ACACA: variants seen among roughly 807,000 people sequenced by gnomAD.
The protein encoded by ACACA is acetyl-CoA carboxylase 1.
Under a neutral mutation model 296.1 loss-of-function variants are expected in ACACA, and 103 were observed. The ratio of observed to expected loss-of-function variants is 0.35; its 90% confidence interval spans 0.30 to 0.41. The LOEUF (loss-of-function observed/expected upper bound fraction) is 0.41. Ranked by LOEUF, ACACA falls within the 10% of genes least tolerant of loss-of-function variation. The pLI is 1.00. For synonymous variants in ACACA, 953 were observed against 1,038.6 expected (o/e 0.92, Z 1.58); for missense variants, 1,554 against 2,989.7 (o/e 0.52, Z 11.20).
chr17:37,378,167 T>A (rs914274106), intron 1 of ACACA, among the ~76,000 whole-genome samples: 6 of 152,090 alleles, frequency 3.9e-5, no homozygotes, highest in African/African-American at 1.4e-4. Flanking sequence ...CTCAAATGGA[T>A]GGAGATGAAA....
At chr17:37,111,462 C>T in intron 52 of ACACA, 69 bp downstream of exon 52, 1 of 1,121,648 alleles carries the variant, frequency 8.9e-7, no homozygotes, top group Non-Finnish European at 1.4e-6. Context: ...CCTCCCCTGG[C>T]CTATGAATGC....
chr17:37,248,102 C>A lies in ACACA; in HGVS notation c.2218G>T (p.Glu740Ter), dbSNP rs777359428. The A allele has an allele frequency of 6.2e-7, 1 of 1,614,054 alleles. No homozygotes were observed. The highest frequency in any genetic ancestry group is 8.5e-7 in the Non-Finnish European group (1 of 1,180,036). Residue 740 changes from glutamate to a stop codon, truncating the protein, a stop_gained, in exon 18 of 56, where the codon GAA (glutamate) becomes TAA (stop). Coordinates refer to ENST00000616317, the MANE Select transcript of ACACA (RefSeq NM_198834.3). LOFTEE classifies it high-confidence loss of function. ...TCACTCAGCCGATGTACATCTACTT[C>A]TACACATGAGCCATTCATGATCACC... ...YVVIMNGSCVEVDVHRLSDGG... is the reference protein window; with the variant it reads ...YVVIMNGSCV
At chr17:37,248,215 T>C (rs2080812340) in intron 17 of ACACA, 59 bp from the exon 18 acceptor site, 1 of 1,595,810 alleles carries the variant, frequency 6.3e-7, no homozygotes, top group Non-Finnish European at 8.6e-7. Flanking sequence ...CCAAATGAAA[T>C]TTGAATGCTT....
At chr17:37,350,557 G>A (rs1246646120) in intron 1 of ACACA, among the ~76,000 whole-genome samples, 4 of 152,108 alleles carry the variant, frequency 2.6e-5, no homozygotes, top group South Asian at 4.2e-4. Flanking sequence ...AATGTGTTTC[G>A]GGCTGGGCGT....
At chr17:37,300,278 A>T (rs966907249) in intron 3 of ACACA, among the ~76,000 whole-genome samples, 1 of 152,202 alleles carries the variant, frequency 6.6e-6, no homozygotes, top group African/African-American at 2.4e-5. Context: ...TTTGCCACAG[A>T]CAGATCTCTT....
At chr17:37,374,698 T>C (rs554588674) in intron 1 of ACACA, among the ~76,000 whole-genome samples, 1 of 152,120 alleles carries the variant, frequency 6.6e-6, no homozygotes, top group Non-Finnish European at 1.5e-5. Flanking sequence ...CAGTTATCTG[T>C]CTAGGAAAAC....
chr17:37,308,221 G>C (rs1045581748), intron 3 of ACACA, among the ~76,000 whole-genome samples: 23 of 152,094 alleles, frequency 1.5e-4, no homozygotes, highest in African/African-American at 5.5e-4. Flanking sequence ...CAATTTATGA[G>C]TCAAAAAATC....
chr17:37,363,034 T>C (rs1316368877), intron 1 of ACACA, among the ~76,000 whole-genome samples: 12 of 130,288 alleles, frequency 9.2e-5, no homozygotes, highest in Middle Eastern at 4.0e-3. Context: ...TTCCCAGCCC[T>C]TTTTTTTTTT....
Position 37,205,890 on chromosome 17 carries a change from A to G in ACACA, c.3949-18T>C. 1 of 1,576,894 alleles carries G rather than the reference A, an allele frequency of 6.3e-7. No homozygotes were observed. Among genetic ancestry groups the G allele is most frequent in the Non-Finnish European group, 8.7e-7 (1 of 1,148,878 alleles). On this transcript the variant is annotated intron_variant, in intron 32 of 55. Transcript: ENST00000616317. The stretch of plus-strand genomic sequence containing the variant: ...CTGGGAACCTGTAACTCAAGAACAC[A>G]AGTCAAAGAAATTATGAGGCTGGCC...
At chr17:37,243,244 A>G in intron 22 of ACACA, 127 bp downstream of exon 22, 2 of 992,558 alleles carry the variant, frequency 2.0e-6, no homozygotes, top group Non-Finnish European at 3.1e-6. Context: ...TTTGTGAGGA[A>G]TACAATGCTT....
chr17:37,235,039 A>G lies in ACACA; in HGVS notation c.3182T>C (p.Val1061Ala). 6.2e-7 allele frequency: 1 copy of G among 1,613,952 alleles called. No homozygotes were observed. Among genetic ancestry groups the G allele is most frequent in the South Asian group, 1.1e-5 (1 of 91,064 alleles). Residue 1061 changes from valine to alanine, a missense_variant, in exon 25 of 56, where the codon GTA becomes GCA. Val to Ala is a moderately conservative substitution (Grantham distance 64, BLOSUM62 0). Transcript: ENST00000616317. ...AGCGTGAGAGAAGATGTAGTTCAGT[A>G]CAGTGTTCATGTCACTTTTATTCTC... Reference protein sequence around the residue: ...REENKSDMNTVLNYIFSHAQV... With the variant: ...REENKSDMNTALNYIFSHAQV...
chr17:37,221,939 A>C, intron 28 of ACACA, 97 bp from the exon 29 acceptor site: 2 of 1,047,190 alleles, frequency 1.9e-6, no homozygotes, highest in South Asian at 2.6e-5. Context: ...CTGAGGCAGA[A>C]GGTGCTCTGT....
At position 37,248,648 on chromosome 17, in the gene ACACA, A is replaced by T. The variant is rs761847257; in HGVS notation, c.2108T>A (p.Leu703His). The T allele has an allele frequency of 6.2e-7, 1 of 1,611,420 alleles. No individual in the cohort carries two copies. Among genetic ancestry groups the T allele is most frequent in the South Asian group, 1.1e-5 (1 of 90,912 alleles). The change falls in exon 17 of 56, where the codon CTT (leucine) becomes CAT (histidine). Residue 703 changes from leucine (L) to histidine (H), a missense_variant. Physicochemically the swap from Leu to His is moderately conservative, Grantham distance 99 (BLOSUM62 -3). Around this residue, in one of 16 missense-constraint regions of ACACA, gnomAD observed 316 missense variants for 540.9 expected, o/e 0.58. Transcript: ENST00000616317. ...AAGTTCAACATCTACTGTATTCAGA[A>T]GTGTATGAGCAGGAAGGACTTGACC... is the stretch of plus-strand genomic sequence containing the variant. ...ERGQVLPAHTLLNTVDVELIY... is the reference protein window; with the variant it reads ...ERGQVLPAHTHLNTVDVELIY...
chr17:37,285,111 G>T, intron 3 of ACACA, 141 bp from the exon 4 acceptor site: 1 of 949,506 alleles, frequency 1.1e-6, no homozygotes, highest in Non-Finnish European at 1.6e-6. Flanking sequence ...TCAAATAAAA[G>T]AGAGAAAAGA....
chr17:37,268,765 A>ATC (rs2081933984), intron 10 of ACACA, among the ~76,000 whole-genome samples: 1 of 145,674 alleles, frequency 6.9e-6, no homozygotes, highest in African/African-American at 2.5e-5. Flanking sequence ...ATATATATAT[A>ATC]TATCTGGTTC....
intron 3 of ACACA, among the ~76,000 whole-genome samples, chr17:37,300,910 G>A (rs1480541626): frequency 2.6e-5 from 4 of 151,974 alleles, no homozygotes; most frequent in African/African-American, 7.3e-5. Context: ...CTATCTTTAC[G>A]TCTCTTCAGA....
intron 1 of ACACA, among the ~76,000 whole-genome samples, chr17:37,358,576 C>G (rs983105078): frequency 1.3e-5 from 2 of 152,216 alleles, no homozygotes; most frequent in African/African-American, 4.8e-5. Context: ...TCAGACCCAA[C>G]CCGCAACGCC....
intron 12 of ACACA, among the ~76,000 whole-genome samples, chr17:37,259,024 G>C (rs1426841349): frequency 6.6e-6 from 1 of 151,860 alleles, no homozygotes; most frequent in Non-Finnish European, 1.5e-5. Context: ...AAGAACACTA[G>C]TAAAAAAACA....
intron 39 of ACACA, among the ~76,000 whole-genome samples, chr17:37,181,900 CAAAAAAAAAAAAAAA>C (rs61045031): frequency 1.2e-3 from 27 of 22,238 alleles, no homozygotes; most frequent in South Asian, 6.9e-3. Flanking sequence ...ACTCTGTATC[CAAAAAAAAAAAAAAA>C]AAAAAAAAAA....
Sources: gnomAD v4.1 joint callset for allele counts (sites outside exome capture counted in the v4.1 genomes callset) on GRCh38, gnomAD v4.1.1 for gene constraint, gnomAD v4.1.1 regional missense constraint, MANE v1.5 for transcripts, NCBI Gene and HGNC (gene_info 2026-07-23, HGNC 2026-07-21) for gene names.